The following PTPRN2 variants were observed in gnomAD, a reference collection of about 807,000 sequenced individuals.
PTPRN2 encodes protein tyrosine phosphatase receptor type N2, also known as receptor-type tyrosine-protein phosphatase N2.
PTPRN2 carries 74 observed loss-of-function variants against 118.8 expected under a neutral mutation model. The ratio of observed to expected loss-of-function variants is 0.62; its 90% CI spans 0.52 to 0.76. PTPRN2 has a LOEUF of 0.76. PTPRN2 is among the 30% of genes least tolerant of loss of function. PTPRN2 has a pLI of 0.00. For missense variants in PTPRN2, 1,481 were observed against 1,394.4 expected (o/e 1.06, Z -0.99); for synonymous variants, 641 against 608.0 (o/e 1.05, Z -0.80).
intron 12 of PTPRN2, among the ~76,000 whole-genome samples, chr7:157,752,026 G>A (rs564666140): frequency 6.6e-6 from 1 of 152,308 alleles, no homozygotes; most frequent in African/African-American, 2.4e-5. Flanking sequence ...CCTGAGGGTA[G>A]ATATGCTCAG....
At chr7:157,809,156 G>A (rs554081527) in intron 12 of PTPRN2, among the ~76,000 whole-genome samples, 1 of 152,282 alleles carries the variant, frequency 6.6e-6, no homozygotes, top group African/African-American at 2.4e-5. Flanking sequence ...GGTTTCGAAA[G>A]CTGAGTCAGT....
chr7:157,736,729 G>A (rs1488259585), intron 12 of PTPRN2, among the ~76,000 whole-genome samples: 3 of 148,492 alleles, frequency 2.0e-5, no homozygotes, highest in Admixed American at 2.0e-4. Context: ...GAGGCTTGGT[G>A]TCCGCCCCTG....
intron 19 of PTPRN2, among the ~76,000 whole-genome samples, chr7:157,572,838 T>C (rs552001075): frequency 3.3e-5 from 5 of 152,204 alleles, no homozygotes; most frequent in Non-Finnish European, 5.9e-5. Flanking sequence ...ATGGGCGGGC[T>C]CAGACACAGG....
intron 5 of PTPRN2, among the ~76,000 whole-genome samples, chr7:158,188,184 C>CCTGTACTGGGAAG (rs1331752050): frequency 8.5e-6 from 1 of 117,750 alleles, no homozygotes; most frequent in Non-Finnish European, 1.9e-5. Flanking sequence ...ACGCTCGCCC[C>CCTGTACTGGGAAG]GCGATGGGGA....
rs1419046580 is a variant in PTPRN2, at chr7:157,893,365, A to G, written c.1788+5308T>C. Among the ~76,000 whole-genome samples, 4 of 152,206 alleles carry G rather than the reference A, an allele frequency of 2.6e-5. No individual in the cohort carries two copies. Among genetic ancestry groups the G allele is most frequent in the African/African-American group, 9.6e-5 (4 of 41,458 alleles). ...CAGGTGAGCTCCTGCCTCTGCCCTCAGCCCCCACGGTCCCCCGCAGTCTAG... is the reference window on the plus strand; with the variant it reads ...CAGGTGAGCTCCTGCCTCTGCCCTCGGCCCCCACGGTCCCCCGCAGTCTAG... On this transcript the variant is annotated intron_variant, in intron 12 of 22. Coordinates refer to ENST00000389418, the MANE Select transcript of PTPRN2 (RefSeq NM_002847.5). This position sits in a 1 kb window ranked among gnomAD's most constrained non-coding sequence, Gnocchi z 4.0.
At chr7:157,762,296 T>C (rs1044525605) in intron 12 of PTPRN2, among the ~76,000 whole-genome samples, 1 of 152,148 alleles carries the variant, frequency 6.6e-6, no homozygotes, top group African/African-American at 2.4e-5. Flanking sequence ...CATGCACACG[T>C]ATGTTTATTG....
chr7:158,337,754 G>C (rs548665909), intron 2 of PTPRN2, among the ~76,000 whole-genome samples: 9 of 120,234 alleles, frequency 7.5e-5, no homozygotes, highest in Admixed American at 1.7e-4. Flanking sequence ...CTCACCATAA[G>C]AGGTGACACC....
intron 3 of PTPRN2, among the ~76,000 whole-genome samples, chr7:158,247,440 C>T (rs1234068269): frequency 6.6e-6 from 1 of 152,020 alleles, no homozygotes; most frequent in Non-Finnish European, 1.5e-5. Context: ...GGTGCCCGTC[C>T]CAGGTGTGCT....
At position 158,563,094 on chromosome 7, in the gene PTPRN2, C is replaced by T. The variant is rs1393291721; in HGVS notation, c.112+24464G>A. ...ACAGCCTCGTCCACATAGAGCCTCT[C>T]GAAGCCTTGCACGGACAAAGAAGGT... On this transcript the variant is annotated intron_variant, in intron 1 of 22. Transcript: ENST00000389418. The surrounding 1 kb of genome is among the most constrained non-coding windows in gnomAD (Gnocchi z 5.1). Among the ~76,000 whole-genome samples the T allele has an allele frequency of 2.0e-5, 3 of 152,268 alleles. No individual in the cohort carries two copies. The highest frequency in any genetic ancestry group is 1.9e-4 in the East Asian group (1 of 5,178).
At chr7:158,242,611 T>C (rs193076827) in intron 3 of PTPRN2, among the ~76,000 whole-genome samples, 69 of 152,304 alleles carry the variant, frequency 4.5e-4, no homozygotes, top group African/African-American at 1.7e-3. Context: ...AGATGGGTAT[T>C]AGTTCTTCTG....
At chr7:157,873,848 T>G in intron 12 of PTPRN2, among the ~76,000 whole-genome samples, 2 of 150,990 alleles carry the variant, frequency 1.3e-5, no homozygotes, top group African/African-American at 2.4e-5. Flanking sequence ...GAAGAGGAGG[T>G]GGAAAGCGGA....
At chr7:158,532,924 T>A in intron 1 of PTPRN2, 1 of 433,596 alleles carries the variant, frequency 2.3e-6, no homozygotes. Flanking sequence ...TGCTCCCTCC[T>A]GACTGGCCTC....
At chr7:158,327,182 C>G (rs571364160) in intron 2 of PTPRN2, among the ~76,000 whole-genome samples, 4 of 151,368 alleles carry the variant, frequency 2.6e-5, no homozygotes, top group African/African-American at 9.7e-5. Context: ...CACACACATG[C>G]TCACATTCTC....
At position 157,615,040 on chromosome 7, in the gene PTPRN2, C is replaced by G. The variant is rs1338172100; in HGVS notation, c.2344+6322G>C. 6.6e-6 allele frequency among the ~76,000 whole-genome samples: 1 copy of G among 152,212 alleles called. No homozygotes were observed. The highest frequency in any genetic ancestry group is 1.5e-5 in the Non-Finnish European group (1 of 68,042). ...AGAAGGCCCTTGTATTTAGGACCTG[C>G]AGGCAGGCTAAAGTATTTGGACGTC... On this transcript the variant is annotated intron_variant, in intron 15 of 22. Coordinates refer to ENST00000389418, the MANE Select transcript of PTPRN2 (RefSeq NM_002847.5). This position sits in a 1 kb window ranked among gnomAD's most constrained non-coding sequence, Gnocchi z 4.3.
chr7:158,337,159 G>C (rs1171296429), intron 2 of PTPRN2, among the ~76,000 whole-genome samples: 9 of 150,450 alleles, frequency 6.0e-5, no homozygotes, highest in East Asian at 4.0e-4. Context: ...ACCATAAGAG[G>C]TGACACCTGC....
intron 2 of PTPRN2, among the ~76,000 whole-genome samples, chr7:158,422,372 TG>T (rs2129423473): frequency 6.6e-6 from 1 of 152,312 alleles, no homozygotes; most frequent in African/African-American, 2.4e-5. Context: ...ACCCCATCAA[TG>T]GCAGCTTCCA....
intron 2 of PTPRN2, among the ~76,000 whole-genome samples, chr7:158,357,559 C>A (rs1808488176): frequency 6.6e-6 from 1 of 152,200 alleles, no homozygotes; most frequent in Non-Finnish European, 1.5e-5. Flanking sequence ...GCAGCCCAGG[C>A]CCACCCAAAT....
At chr7:158,020,615 C>T (rs1379120973) in intron 11 of PTPRN2, among the ~76,000 whole-genome samples, 1 of 152,160 alleles carries the variant, frequency 6.6e-6, no homozygotes, top group East Asian at 1.9e-4. Context: ...GGCAGCCTTG[C>T]CCACCATGTT....
chr7:158,234,578 GCCAACAGGTATAGTCATCAAA>G (rs1829406317), intron 3 of PTPRN2, among the ~76,000 whole-genome samples: 1 of 83,602 alleles, frequency 1.2e-5, no homozygotes. Context: ...CATACAAATG[GCCAACAGGTATAGTCATCAAA>G]TAAAAACATA....
Sources: allele counts gnomAD v4.1 joint callset (sites outside exome capture counted in the v4.1 genomes callset), GRCh38; gene constraint gnomAD v4.1.1; non-coding constraint Gnocchi (gnomAD v3.1); transcripts MANE v1.5; gene names NCBI Gene and HGNC (gene_info 2026-07-23, HGNC 2026-07-21).